The following KCNH1 variants were observed in gnomAD, a reference collection of about 807,000 sequenced individuals.
The protein encoded by KCNH1 is potassium voltage-gated channel subfamily H member 1.
KCNH1 carries 27 observed loss-of-function variants against 69.2 expected under a neutral mutation model. The observed-to-expected ratio is 0.39, with a 90% CI of 0.29 to 0.54. The LOEUF (loss-of-function observed/expected upper bound fraction) is 0.54, where lower values mean the gene tolerates loss of function less well. Ranked by LOEUF, KCNH1 falls within the 20% of genes least tolerant of loss-of-function variation. The pLI is 0.68. For missense variants in KCNH1, 798 were observed against 1,261.6 expected, an observed-to-expected ratio of 0.63 and a Z score of 5.57; for synonymous variants, 456 against 487.7, an observed-to-expected ratio of 0.93 and a Z score of 0.86.
At chr1:210,924,393 A>G (rs895675067) in intron 6 of KCNH1, among the ~76,000 whole-genome samples, 1 of 152,252 alleles carries the variant, frequency 6.6e-6, no homozygotes, top group Non-Finnish European at 1.5e-5. Context: ...CTCTGAAACA[A>G]TAAAAAACAA....
intron 5 of KCNH1, among the ~76,000 whole-genome samples, chr1:211,039,254 T>C (rs1277630945): frequency 3.3e-5 from 5 of 152,244 alleles, no homozygotes; most frequent in South Asian, 2.1e-4. Context: ...AAATCAAGAA[T>C]TGAAGTTTGG....
intron 7 of KCNH1, among the ~76,000 whole-genome samples, chr1:210,808,524 A>G (rs1305639970): frequency 2.0e-5 from 3 of 151,990 alleles, no homozygotes; most frequent in Non-Finnish European, 4.4e-5. Context: ...GTGGATAATT[A>G]TTGTCTCAAT....
At chr1:210,787,006 T>C (rs750887472) in intron 9 of KCNH1, among the ~76,000 whole-genome samples, 1 of 152,176 alleles carries the variant, frequency 6.6e-6, no homozygotes. Context: ...GCCAGGATGA[T>C]TTTTCTAAAC....
intron 2 of KCNH1, among the ~76,000 whole-genome samples, chr1:211,106,342 C>T (rs1475357951): frequency 6.6e-6 from 1 of 152,184 alleles, no homozygotes; most frequent in African/African-American, 2.4e-5. Context: ...ACACCACGGC[C>T]CAAGGACACT....
rs1314817459 is a variant in KCNH1 at position 211,107,328 on chromosome 1, C to T, written c.129G>A (p.Val43=). 7 of 1,611,016 alleles carry T rather than the reference C, an allele frequency of 4.3e-6. No homozygotes were observed. Among genetic ancestry groups the T allele is most frequent in the East Asian group, 2.2e-5 (1 of 44,770 alleles). The change falls in exon 2 of 11, where the codon GTG becomes GTA. Residue 43 remains valine (V), a synonymous_variant. Coordinates refer to ENST00000271751, the MANE Select transcript of KCNH1 (RefSeq NM_172362.3). The part of the protein sequence containing the change: ...GNAQIVDWPI[V]YSNDGFCKLS... The stretch of plus-strand genomic sequence containing the variant: ...GCTTGCAAAATCCATCATTGCTGTA[C>T]ACAATAGGCCAGTCCACTATCTGAG...
chr1:211,126,069 A>G (rs1165299173), intron 1 of KCNH1, among the ~76,000 whole-genome samples: 1 of 152,224 alleles, frequency 6.6e-6, no homozygotes, highest in Non-Finnish European at 1.5e-5. Flanking sequence ...TCTGTTCAGC[A>G]AGACCACACT....
chr1:210,692,026 C>T (rs1187741394), intron 10 of KCNH1, among the ~76,000 whole-genome samples: 1 of 152,236 alleles, frequency 6.6e-6, no homozygotes, highest in Non-Finnish European at 1.5e-5. Context: ...GAGGCTAGAG[C>T]TGTTCTGTTC....
At chr1:210,997,631 G>T (rs1689077692) in intron 6 of KCNH1, among the ~76,000 whole-genome samples, 1 of 152,102 alleles carries the variant, frequency 6.6e-6, no homozygotes, top group African/African-American at 2.4e-5. Context: ...AGCACGACAG[G>T]CCAACATGCA....
chr1:210,713,510 A>G (rs780584292), intron 10 of KCNH1, among the ~76,000 whole-genome samples: 1 of 152,240 alleles, frequency 6.6e-6, no homozygotes, highest in Non-Finnish European at 1.5e-5. Flanking sequence ...TAAAACAGAC[A>G]TCAAGATGTG....
At chr1:210,933,482 G>A (rs1043382970) in intron 6 of KCNH1, among the ~76,000 whole-genome samples, 17 of 151,446 alleles carry the variant, frequency 1.1e-4, no homozygotes, top group Non-Finnish European at 1.8e-4. Flanking sequence ...CCTGCACATT[G>A]TGAACATGTA....
chr1:211,113,441 T>C lies in KCNH1; in HGVS notation c.80-6064A>G, dbSNP rs182035294. Among the ~76,000 whole-genome samples, 95 of 152,286 alleles carry C rather than the reference T, an allele frequency of 6.2e-4. 1 individual carries two copies. Among genetic ancestry groups the C allele is most frequent in the Admixed American group, 6.1e-3 (93 of 15,302 alleles). On this transcript the variant is annotated intron_variant, in intron 1 of 10. Coordinates refer to ENST00000271751, the MANE Select transcript of KCNH1 (RefSeq NM_172362.3). ...ATTGTCCCACTTCTAAATGCTTGGGTTCTCCTGTCTATCTTTTCAATGTTT... is the reference window on the plus strand; with the variant it reads ...ATTGTCCCACTTCTAAATGCTTGGGCTCTCCTGTCTATCTTTTCAATGTTT...
chr1:210,812,830 G>T (rs1684735059), intron 7 of KCNH1, among the ~76,000 whole-genome samples: 1 of 152,194 alleles, frequency 6.6e-6, no homozygotes, highest in Non-Finnish European at 1.5e-5. Flanking sequence ...GGGAAGCCAA[G>T]CAAATCCCTA....
intron 3 of KCNH1, among the ~76,000 whole-genome samples, chr1:211,099,919 T>G (rs1210231421): frequency 6.6e-6 from 1 of 152,110 alleles, no homozygotes; most frequent in Non-Finnish European, 1.5e-5. Context: ...TGAATGCCTC[T>G]TCCCCTGACC....
rs1691921470 is a variant in KCNH1 at position 211,133,787 on chromosome 1, T to C, written c.79+80A>G. ...AGCTCGCGGGTTCTGCTGCATCTGC[T>C]GGCTCCGAGCGGCGAGAGGTTCTGC... On this transcript the variant is annotated intron_variant, in intron 1 of 10. Coordinates refer to ENST00000271751, the MANE Select transcript of KCNH1 (RefSeq NM_172362.3). This position sits in a 1 kb window ranked among gnomAD's most constrained non-coding sequence, Gnocchi z 5.4. 1 of 1,344,634 alleles carries C rather than the reference T, an allele frequency of 7.4e-7. No individual in the cohort carries two copies. The highest frequency in any genetic ancestry group is 1.1e-6 in the Non-Finnish European group (1 of 947,542). 83.3% of individuals were successfully genotyped at this position (1,344,634 alleles called of 1,614,324 possible). A position where few individuals can be genotyped will look rare whatever the true frequency, so the allele number is the denominator to read the frequency against.
intron 3 of KCNH1, among the ~76,000 whole-genome samples, chr1:211,093,033 C>T (rs1166822630): frequency 1.3e-5 from 2 of 152,056 alleles, no homozygotes; most frequent in African/African-American, 4.8e-5. Context: ...AGTAATAAAT[C>T]AGATGACAGG....
intron 10 of KCNH1, among the ~76,000 whole-genome samples, chr1:210,730,670 G>A (rs917291707): frequency 6.6e-6 from 1 of 152,146 alleles, no homozygotes; most frequent in African/African-American, 2.4e-5. Context: ...GCGCACGGGA[G>A]GTCAGATGTG....
chr1:211,012,587 A>T (rs78066571), intron 6 of KCNH1, among the ~76,000 whole-genome samples: 5,768 of 152,258 alleles, frequency 0.038, 219 homozygotes, highest in South Asian at 0.12. Flanking sequence ...AAAATGCAAA[A>T]CTATAAAGAC....
At chr1:210,896,822 A>C (rs946978950) in intron 7 of KCNH1, among the ~76,000 whole-genome samples, 11 of 152,314 alleles carry the variant, frequency 7.2e-5, no homozygotes, top group South Asian at 4.1e-4. Context: ...AGAAAAAAAA[A>C]CAGACTTTTC....
At chr1:210,820,903 G>A (rs137893363) in intron 7 of KCNH1, among the ~76,000 whole-genome samples, 3 of 152,288 alleles carry the variant, frequency 2.0e-5, no homozygotes, top group African/African-American at 7.2e-5. Context: ...GAAGCCTCCA[G>A]TAGGAGCACA....
Sources: gnomAD v4.1 joint callset for allele counts (sites outside exome capture counted in the v4.1 genomes callset) on GRCh38, gnomAD v4.1.1 for gene constraint, Gnocchi (gnomAD v3.1) non-coding constraint, MANE v1.5 for transcripts, NCBI Gene and HGNC (gene_info 2026-07-23, HGNC 2026-07-21) for gene names.